Variants in DGKD observed in about 807,000 individuals in gnomAD.
DGKD encodes the protein DAG kinase delta.
In DGKD, 68 loss-of-function variants were observed where a neutral mutation model predicts 154.4. The ratio of observed to expected loss-of-function variants is 0.44; its 90% CI spans 0.36 to 0.54. The LOEUF (loss-of-function observed/expected upper bound fraction) is 0.54. DGKD is among the 20% of genes least tolerant of loss of function. DGKD has a pLI of 0.00. For synonymous variants in DGKD, 693 were observed against 638.0 expected (o/e 1.09, Z -1.30); for missense variants, 1,343 against 1,593.6 (o/e 0.84, Z 2.68).
At position 233,360,157 on chromosome 2, in the gene DGKD, A is replaced by G. The variant is rs565117608; in HGVS notation, c.156+5483A>G. Among the ~76,000 whole-genome samples the G allele has an allele frequency of 5.9e-5, 9 of 152,294 alleles. No individual in the cohort carries two copies. In the East Asian group the frequency reaches 1.7e-3, roughly 29 times the overall value. The stretch of plus-strand genomic sequence containing the variant: ...TATTTGGGGCTGCTTTTGACCTTGG[A>G]ATCTGTAGTGGCGTCTGTAGTGGAT... On this transcript the variant is annotated intron_variant, in intron 1 of 29. Coordinates refer to ENST00000264057, the MANE Select transcript of DGKD (RefSeq NM_152879.3).
At chr2:233,462,963 T>A (rs879401407) in intron 26 of DGKD, among the ~76,000 whole-genome samples, 7 of 152,204 alleles carry the variant, frequency 4.6e-5, no homozygotes, top group Admixed American at 4.6e-4. Context: ...GGAAACACCC[T>A]TGTCGTCGTG....
At position 233,438,434 on chromosome 2, in the gene DGKD, T is replaced by C; in HGVS notation, c.1085+55T>C. On this transcript the variant is annotated intron_variant, in intron 9 of 29. Coordinates refer to ENST00000264057, the MANE Select transcript of DGKD (RefSeq NM_152879.3). This position sits in a 1 kb window ranked among gnomAD's most constrained non-coding sequence, Gnocchi z 4.1. ...GGAGTTTTAAAAATTGTGTAGATAG[T>C]GTGTGCTTGTTAAAAAAAAAAAGTT... The C allele has an allele frequency of 1.3e-6, 2 of 1,515,924 alleles. No homozygotes were observed. The highest frequency in any genetic ancestry group is 1.8e-4 in the Middle Eastern group (1 of 5,568). The allele number at this position is 1,515,924 out of a possible 1,614,324, so 93.9% of individuals were successfully genotyped here. A position where few individuals can be genotyped will look rare whatever the true frequency, so the allele number is the denominator to read the frequency against.
chr2:233,448,239 C>A, intron 13 of DGKD, 37 bp from the exon 14 acceptor site: 7 of 1,614,038 alleles, frequency 4.3e-6, no homozygotes, highest in Non-Finnish European at 5.9e-6. Flanking sequence ...CCTGGAGCTG[C>A]CTCTCTAGAA....
chr2:233,408,370 A>G (rs894940443), intron 3 of DGKD, among the ~76,000 whole-genome samples: 2 of 152,238 alleles, frequency 1.3e-5, no homozygotes, highest in African/African-American at 4.8e-5. Flanking sequence ...GTCTCTGCAT[A>G]AAAGACTCTT....
rs1347986706 is a variant in DGKD, at chr2:233,354,950, G to T, written c.156+276G>T. Among the ~76,000 whole-genome samples the T allele has an allele frequency of 5.4e-5, 8 of 148,884 alleles. No homozygotes were observed. Among genetic ancestry groups the T allele is most frequent in the Non-Finnish European group, 9.0e-5 (6 of 67,010 alleles). The stretch of plus-strand genomic sequence containing the variant: ...GCGCCGCGCGCTGGGCGGGGGGCGC[G>T]CGCCGAGTTGGGCCGCGAGGACCCG... On this transcript the variant is annotated intron_variant, in intron 1 of 29. Transcript: ENST00000264057. This position sits in a 1 kb window ranked among gnomAD's most constrained non-coding sequence, Gnocchi z 4.8.
intron 3 of DGKD, among the ~76,000 whole-genome samples, chr2:233,391,414 C>G (rs963100475): frequency 2.0e-5 from 3 of 151,928 alleles, no homozygotes; most frequent in East Asian, 3.9e-4. Flanking sequence ...GTTTTTTTCC[C>G]CCCCCAGGAC....
chr2:233,381,512 T>C (rs1702905690), intron 1 of DGKD, among the ~76,000 whole-genome samples: 1 of 152,316 alleles, frequency 6.6e-6, no homozygotes, highest in Middle Eastern at 3.4e-3. Context: ...AGTTTCGTAA[T>C]GTGTAAAGTG....
At chr2:233,381,399 T>C (rs878938209) in intron 1 of DGKD, among the ~76,000 whole-genome samples, 1 of 152,274 alleles carries the variant, frequency 6.6e-6, no homozygotes, top group Admixed American at 6.5e-5. Flanking sequence ...AGCAGACTTT[T>C]ATGCTGAAGT....
chr2:233,455,159 C>A (rs1191358758), intron 19 of DGKD, among the ~76,000 whole-genome samples: 3 of 152,220 alleles, frequency 2.0e-5, no homozygotes, highest in Non-Finnish European at 4.4e-5. Flanking sequence ...GTCCGTGATA[C>A]TACAGAAAAG....
At chr2:233,417,646 TATAG>T (rs1158443839) in intron 3 of DGKD, among the ~76,000 whole-genome samples, 8 of 152,190 alleles carry the variant, frequency 5.3e-5, no homozygotes, top group Non-Finnish European at 1.2e-4. Flanking sequence ...CATGTATCAT[TATAG>T]ATAATTAAGT....
At chr2:233,460,056 C>A in intron 23 of DGKD, 138 bp from the exon 24 acceptor site, 1 of 1,459,170 alleles carries the variant, frequency 6.9e-7, no homozygotes, top group Non-Finnish European at 9.0e-7. Flanking sequence ...GGACCATCTC[C>A]TTCCCCTAAT....
At chr2:233,451,571 T>C (rs2063294387) in intron 17 of DGKD, among the ~76,000 whole-genome samples, 1 of 133,256 alleles carries the variant, frequency 7.5e-6, no homozygotes, top group Admixed American at 7.3e-5. Flanking sequence ...TCTATAAGCC[T>C]TTTTTTTTTT....
intron 3 of DGKD, among the ~76,000 whole-genome samples, chr2:233,409,391 T>A (rs1475115815): frequency 6.6e-6 from 1 of 151,956 alleles, no homozygotes; most frequent in Admixed American, 6.6e-5. Flanking sequence ...GGAAGATACA[T>A]GGATTTGATT....
chr2:233,421,276 C>T (rs771612066), intron 3 of DGKD, among the ~76,000 whole-genome samples: 4 of 152,078 alleles, frequency 2.6e-5, no homozygotes, highest in Non-Finnish European at 4.4e-5. Flanking sequence ...GCCAGCTGCT[C>T]GGAGGTCACT....
chr2:233,361,184 C>T (rs1288759202), intron 1 of DGKD, among the ~76,000 whole-genome samples: 1 of 152,114 alleles, frequency 6.6e-6, no homozygotes, highest in Non-Finnish European at 1.5e-5. Flanking sequence ...CTGGGTGACA[C>T]CCTCCCCTCA....
At chr2:233,358,602 C>T (rs955429712) in intron 1 of DGKD, among the ~76,000 whole-genome samples, 4 of 152,178 alleles carry the variant, frequency 2.6e-5, no homozygotes, top group Non-Finnish European at 5.9e-5. Context: ...CAAGAATCTA[C>T]TTTCTGTCTC....
chr2:233,467,290 C>T (rs1329270871), intron 28 of DGKD, 87 bp downstream of exon 28: 1 of 930,396 alleles, frequency 1.1e-6, no homozygotes, highest in Admixed American at 1.7e-5. Flanking sequence ...TCTCCCTTGG[C>T]CTTGCAGCTC....
intron 1 of DGKD, among the ~76,000 whole-genome samples, chr2:233,386,783 T>C (rs1703207672): frequency 6.6e-6 from 1 of 152,204 alleles, no homozygotes; most frequent in South Asian, 2.1e-4. Context: ...AGGGCTGCTG[T>C]TGTGCCACTG....
intron 3 of DGKD, among the ~76,000 whole-genome samples, chr2:233,394,999 G>A (rs1660246228): frequency 6.6e-6 from 1 of 152,030 alleles, no homozygotes; most frequent in South Asian, 2.1e-4. Flanking sequence ...GATGTGCCTT[G>A]CCTAGATTTA....
Sources: gnomAD v4.1 joint callset for allele counts (sites outside exome capture counted in the v4.1 genomes callset) on GRCh38, gnomAD v4.1.1 for gene constraint, Gnocchi (gnomAD v3.1) non-coding constraint, MANE v1.5 for transcripts, NCBI Gene and HGNC (gene_info 2026-07-23, HGNC 2026-07-21) for gene names.